Variants in GLRA3 observed in about 807,000 individuals in gnomAD.
The protein encoded by GLRA3 is glycine receptor subunit alpha-3.
GLRA3 carries 44 observed loss-of-function variants against 60.4 expected under a neutral mutation model. The observed-to-expected ratio is 0.73, with a 90% CI of 0.57 to 0.94. GLRA3 has a LOEUF of 0.94. Among genes scored for constraint, GLRA3 ranks in the 40% least tolerant of loss-of-function variants. The pLI is 0.00. For synonymous variants in GLRA3, 223 were observed against 192.9 expected (o/e 1.16, Z -1.29); for missense variants, 508 against 564.6 (o/e 0.90, Z 1.02).
At chr4:174,794,568 A>T (rs1739484613) in intron 1 of GLRA3, among the ~76,000 whole-genome samples, 1 of 152,156 alleles carries the variant, frequency 6.6e-6, no homozygotes, top group South Asian at 2.1e-4. Context: ...CCCTATTAAC[A>T]AGCACTCTCA....
chr4:174,675,201 C>T (rs1457982448), intron 7 of GLRA3, among the ~76,000 whole-genome samples: 2 of 152,078 alleles, frequency 1.3e-5, no homozygotes, highest in African/African-American at 2.4e-5. Flanking sequence ...AGACTTTGTA[C>T]ACATGTATGT....
intron 2 of GLRA3, among the ~76,000 whole-genome samples, chr4:174,782,423 T>G (rs1389332290): frequency 6.7e-6 from 1 of 150,098 alleles, no homozygotes; most frequent in Non-Finnish European, 1.5e-5. Flanking sequence ...AGGGATGCCC[T>G]CTCTCACCAC....
intron 9 of GLRA3, among the ~76,000 whole-genome samples, chr4:174,652,785 T>C (rs1387261507): frequency 6.6e-6 from 1 of 152,112 alleles, no homozygotes; most frequent in Non-Finnish European, 1.5e-5. Context: ...AACATGATAC[T>C]GTATATTAAC....
intron 9 of GLRA3, among the ~76,000 whole-genome samples, chr4:174,650,476 C>A (rs934249372): frequency 6.6e-6 from 1 of 152,134 alleles, no homozygotes; most frequent in African/African-American, 2.4e-5. Flanking sequence ...GGATTCTAGA[C>A]TAGAAAATCC....
chr4:174,815,722 C>T (rs1740469518), intron 1 of GLRA3, among the ~76,000 whole-genome samples: 1 of 152,160 alleles, frequency 6.6e-6, no homozygotes, highest in African/African-American at 2.4e-5. Flanking sequence ...TGCAGGGCAC[C>T]AAGTCCCTAG....
At chr4:174,681,065 G>A (rs973234399) in intron 6 of GLRA3, among the ~76,000 whole-genome samples, 6 of 152,170 alleles carry the variant, frequency 3.9e-5, no homozygotes, top group Non-Finnish European at 7.3e-5. Context: ...ATTTGGGCAC[G>A]TTATTTTGCT....
intron 1 of GLRA3, among the ~76,000 whole-genome samples, chr4:174,794,485 A>C (rs143972548): frequency 1.3e-5 from 2 of 152,182 alleles, no homozygotes; most frequent in African/African-American, 4.8e-5. Context: ...ACACACGCAC[A>C]CACACACATA....
Position 174,805,861 on chromosome 4 carries a change from G to A in GLRA3, c.72-16918C>T, listed in dbSNP as rs1740029325. Among the ~76,000 whole-genome samples, 3 of 152,248 alleles carry A rather than the reference G, an allele frequency of 2.0e-5. No homozygotes were observed. The South Asian group carries it at 6.2e-4, about 32-fold the overall frequency. ...TTAAATGAGGAAATGTTTCAGTGAT[G>A]CTATTTGACAAAGGCAGTGATTCTT... On this transcript the variant is annotated intron_variant, in intron 1 of 9. Coordinates refer to ENST00000274093, the MANE Select transcript of GLRA3 (RefSeq NM_006529.4).
Position 174,781,960 on chromosome 4 carries a change from C to G in GLRA3, c.199+6856G>C, listed in dbSNP as rs1579598141. Among the ~76,000 whole-genome samples the G allele has an allele frequency of 1.6e-4, 24 of 151,742 alleles. 1 individual carries two copies. In the South Asian group the frequency reaches 5.0e-3, roughly 32 times the overall value. Reference sequence around the variant, plus strand: ...GAAAAAGAGGGAATCCTTCCTAACTCATTTTATGAGGCCAGCATCATTCTG... The same window carrying G: ...GAAAAAGAGGGAATCCTTCCTAACTGATTTTATGAGGCCAGCATCATTCTG... On this transcript the variant is annotated intron_variant, in intron 2 of 9. Transcript: ENST00000274093.
At chr4:174,825,604 C>T (rs994663589) in intron 1 of GLRA3, among the ~76,000 whole-genome samples, 1 of 152,006 alleles carries the variant, frequency 6.6e-6, no homozygotes, top group African/African-American at 2.4e-5. Flanking sequence ...ATAATCATCA[C>T]TTATCTGCAT....
chr4:174,688,318 CATATATATATATATATATAT>C lies in GLRA3; in HGVS notation c.575-5399_575-5380del, dbSNP rs553159490. ...CATAGTACTTATCCTTACCTGACAT[CATATATATATATATATATAT>C]ATATATATATATATATATATATATA... On this transcript the variant is annotated intron_variant, in intron 5 of 9. Transcript: ENST00000274093. Among the ~76,000 whole-genome samples the C allele has an allele frequency of 1.9e-3, 65 of 34,960 alleles. 3 individuals carry two copies. The highest frequency in any genetic ancestry group is 0.026 in the Middle Eastern group (1 of 38). The allele number at this position is 34,960 out of a possible 152,430, so 22.9% of individuals were successfully genotyped here.
intron 6 of GLRA3, among the ~76,000 whole-genome samples, chr4:174,677,889 ATTGC>A (rs1264154604): frequency 6.6e-6 from 1 of 152,144 alleles, no homozygotes; most frequent in African/African-American, 2.4e-5. Context: ...GATTACGACA[ATTGC>A]TTCTGAGGCA....
chr4:174,712,086 C>A (rs1275115815), intron 5 of GLRA3, among the ~76,000 whole-genome samples: 1 of 151,988 alleles, frequency 6.6e-6, no homozygotes, highest in Non-Finnish European at 1.5e-5. Flanking sequence ...ATTTTCCTTG[C>A]ATAAGCCTCT....
At chr4:174,734,685 G>A (rs569825582) in intron 3 of GLRA3, among the ~76,000 whole-genome samples, 62 of 152,288 alleles carry the variant, frequency 4.1e-4, no homozygotes, top group Admixed American at 1.4e-3. Context: ...AACATAAAAT[G>A]TGCTGAATCA....
intron 5 of GLRA3, among the ~76,000 whole-genome samples, chr4:174,708,660 A>G (rs557991969): frequency 2.7e-5 from 4 of 147,710 alleles, no homozygotes; most frequent in Non-Finnish European, 4.5e-5. Flanking sequence ...AGTGCAATAC[A>G]TTCCTCTTTA....
chr4:174,749,582 A>T (rs1448195428), intron 3 of GLRA3, among the ~76,000 whole-genome samples: 1 of 152,188 alleles, frequency 6.6e-6, no homozygotes, highest in South Asian at 2.1e-4. Context: ...CATAGCAAAG[A>T]ATAATGTCAC....
chr4:174,745,678 C>T (rs894705591), intron 3 of GLRA3, among the ~76,000 whole-genome samples: 1 of 151,718 alleles, frequency 6.6e-6, no homozygotes, highest in African/African-American at 2.4e-5. Context: ...GCAAAATAAA[C>T]AGTCAACAAA....
chr4:174,734,102 C>A (rs1207357752), intron 3 of GLRA3, among the ~76,000 whole-genome samples: 2 of 151,854 alleles, frequency 1.3e-5, no homozygotes, highest in African/African-American at 2.4e-5. Flanking sequence ...AAAAAATAAT[C>A]CAGAATTCTT....
chr4:174,800,632 T>A (rs1231607403), intron 1 of GLRA3, among the ~76,000 whole-genome samples: 2 of 152,028 alleles, frequency 1.3e-5, no homozygotes, highest in Non-Finnish European at 2.9e-5. Flanking sequence ...TTCTTTACTC[T>A]ATCACTTGTC....
Sources: gnomAD v4.1 joint callset for allele counts (sites outside exome capture counted in the v4.1 genomes callset) on GRCh38, gnomAD v4.1.1 for gene constraint, MANE v1.5 for transcripts, NCBI Gene and HGNC (gene_info 2026-07-23, HGNC 2026-07-21) for gene names.